JAKMIP1: variants seen among roughly 807,000 people sequenced by gnomAD.
The protein encoded by JAKMIP1 is janus kinase and microtubule-interacting protein 1.
In JAKMIP1, 33 loss-of-function variants were observed where a neutral mutation model predicts 113.0. The ratio of observed to expected loss-of-function variants is 0.29; its 90% confidence interval spans 0.22 to 0.39. The LOEUF (loss-of-function observed/expected upper bound fraction) is 0.39, where lower values mean the gene tolerates loss of function less well. Among genes scored for constraint, JAKMIP1 ranks in the 10% least tolerant of loss-of-function variants. The pLI is 1.00. For synonymous variants in JAKMIP1, 480 were observed against 459.9 expected (o/e 1.04, Z -0.56); for missense variants, 813 against 1,080.5 (o/e 0.75, Z 3.47).
rs542994768 is a variant in JAKMIP1, at chr4:6,162,904, C to T, written c.-148+37349G>A. Among the ~76,000 whole-genome samples, 7 of 152,328 alleles carry T rather than the reference C, an allele frequency of 4.6e-5. No individual in the cohort carries two copies. Among genetic ancestry groups the T allele is most frequent in the South Asian group, 2.1e-4 (1 of 4,822 alleles). On this transcript the variant is annotated intron_variant, in intron 1 of 20. Coordinates refer to ENST00000409021, the MANE Select transcript of JAKMIP1 (RefSeq NM_001099433.2). This position sits in a 1 kb window ranked among gnomAD's most constrained non-coding sequence, Gnocchi z 5.6. ...AAGAAAGCACATCTGTACTAGCCTG[C>T]GAGCAGCAAGGCTTCCAGGCAAAGC...
intron 1 of JAKMIP1, among the ~76,000 whole-genome samples, chr4:6,144,953 G>T (rs1475987258): frequency 6.6e-5 from 10 of 152,178 alleles, no homozygotes; most frequent in Non-Finnish European, 2.9e-5. Flanking sequence ...ATTTCCCAAT[G>T]ACATGATCTT....
In JAKMIP1 at chr4:6,189,712, A is replaced by AGGGCAGTGAGGGCCCTGG. The variant is rs575887514; in HGVS notation, c.-148+10523_-148+10540dup. On this transcript the variant is annotated intron_variant, in intron 1 of 20. Transcript: ENST00000409021. The stretch of plus-strand genomic sequence containing the variant: ...CAGTGGCTAGGGCAGAGGGTGGCGT[A>AGGGCAGTGAGGGCCCTGG]GGGCAGTGAGGGCCCTGGGGTTATG... 5.9e-5 allele frequency among the ~76,000 whole-genome samples: 9 copies of AGGGCAGTGAGGGCCCTGG among 152,274 alleles called. No homozygotes were observed. In the East Asian group the frequency reaches 1.7e-3, roughly 29 times the overall value.
chr4:6,151,519 G>A (rs1156679185), intron 1 of JAKMIP1, among the ~76,000 whole-genome samples: 1 of 151,988 alleles, frequency 6.6e-6, no homozygotes, highest in Non-Finnish European at 1.5e-5. Flanking sequence ...CACCACCCCA[G>A]ACCTGGCCAA....
At position 6,142,924 on chromosome 4, in the gene JAKMIP1, C is replaced by T. The variant is rs1328589209; in HGVS notation, c.-147-29927G>A. ...CCCAGCCTGGAGTCCTGAGGCCCCTCAGTCCAGCACTGTGTGTGTGTGTGT... is the reference window on the plus strand; with the variant it reads ...CCCAGCCTGGAGTCCTGAGGCCCCTTAGTCCAGCACTGTGTGTGTGTGTGT... On this transcript the variant is annotated intron_variant, in intron 1 of 20. Coordinates refer to ENST00000409021, the MANE Select transcript of JAKMIP1 (RefSeq NM_001099433.2). The surrounding 1 kb of genome is among the most constrained non-coding windows in gnomAD (Gnocchi z 5.5). 6.6e-6 allele frequency among the ~76,000 whole-genome samples: 1 copy of T among 152,202 alleles called. No homozygotes were observed. The highest frequency in any genetic ancestry group is 2.4e-5 in the African/African-American group (1 of 41,442).
intron 3 of JAKMIP1, among the ~76,000 whole-genome samples, chr4:6,101,576 C>T (rs188720186): frequency 6.4e-4 from 97 of 151,822 alleles, no homozygotes; most frequent in African/African-American, 2.1e-3. Flanking sequence ...ATCTGCTTGC[C>T]GATGTCTGCA....
rs762102039 is a variant in JAKMIP1 at position 6,176,345 on chromosome 4, G to A, written c.-148+23908C>T. Among the ~76,000 whole-genome samples the A allele has an allele frequency of 8.5e-5, 13 of 152,198 alleles. No homozygotes were observed. The highest frequency in any genetic ancestry group is 2.9e-4 in the African/African-American group (12 of 41,436). ...TTAGGCTGTGTCCTGGTCTGGTGGG[G>A]TATGAAGATCCCTGAGGTGAACCAT... On this transcript the variant is annotated intron_variant, in intron 1 of 20. Coordinates refer to ENST00000409021, the MANE Select transcript of JAKMIP1 (RefSeq NM_001099433.2). The surrounding 1 kb of genome is among the most constrained non-coding windows in gnomAD (Gnocchi z 5.5).
At chr4:6,105,989 A>G in intron 2 of JAKMIP1, 22 bp from the exon 3 acceptor site, 1 of 1,526,220 alleles carries the variant, frequency 6.6e-7, no homozygotes, top group Non-Finnish European at 8.9e-7. Context: ...GCGGCGAGAG[A>G]GCCGGTCAGG....
chr4:6,159,293 A>AAT (rs1226618238), intron 1 of JAKMIP1, among the ~76,000 whole-genome samples: 4 of 151,870 alleles, frequency 2.6e-5, no homozygotes, highest in Non-Finnish European at 5.9e-5. Flanking sequence ...ATCTGCTAAA[A>AAT]AAAAAATACT....
intron 3 of JAKMIP1, among the ~76,000 whole-genome samples, chr4:6,104,094 T>G (rs1487439647): frequency 6.6e-6 from 1 of 152,218 alleles, no homozygotes. Context: ...TAAAATATGT[T>G]TTGCTCTAAG....
intron 16 of JAKMIP1, among the ~76,000 whole-genome samples, chr4:6,045,644 G>A (rs986841249): frequency 1.3e-5 from 2 of 152,200 alleles, no homozygotes; most frequent in Admixed American, 6.5e-5. Context: ...AGGCCAAGGC[G>A]GGTAGATCAC....
At position 6,197,013 on chromosome 4, in the gene JAKMIP1, AG is replaced by A. The variant is rs957163064; in HGVS notation, c.-148+3239del. ...AGGGAGCCCCACTTCTGAGTCCCCC[AG>A]TGTCCTGAGACTTGGCTCCCTCTGC... On this transcript the variant is annotated intron_variant, in intron 1 of 20. Transcript: ENST00000409021. This position sits in a 1 kb window ranked among gnomAD's most constrained non-coding sequence, Gnocchi z 6.5. Among the ~76,000 whole-genome samples, 9 of 152,194 alleles carry A rather than the reference AG, an allele frequency of 5.9e-5. No homozygotes were observed. Among genetic ancestry groups the A allele is most frequent in the African/African-American group, 2.2e-4 (9 of 41,450 alleles).
rs1429871839 is a variant in JAKMIP1, at chr4:6,186,750, A to G, written c.-148+13503T>C. Among the ~76,000 whole-genome samples the G allele has an allele frequency of 6.6e-6, 1 of 152,104 alleles. No individual in the cohort carries two copies. The highest frequency in any genetic ancestry group is 1.5e-5 in the Non-Finnish European group (1 of 68,034). On this transcript the variant is annotated intron_variant, in intron 1 of 20. Transcript: ENST00000409021. This position sits in a 1 kb window ranked among gnomAD's most constrained non-coding sequence, Gnocchi z 5.5. ...TGTTGACCTCCTGTAGAGTTGTTCTATCTGTTATTGAAAGTGGGTGTTGAC... is the reference window on the plus strand; with the variant it reads ...TGTTGACCTCCTGTAGAGTTGTTCTGTCTGTTATTGAAAGTGGGTGTTGAC...
At position 6,081,241 on chromosome 4, in the gene JAKMIP1, T is replaced by C. The variant is rs1273704010; in HGVS notation, c.1101+368A>G. ...GATCATTGTAACAGCTTTCACTTGC[T>C]GGGTGTCCTCTGGGCCCGTTCCCTG... On this transcript the variant is annotated intron_variant, in intron 6 of 20. Coordinates refer to ENST00000409021, the MANE Select transcript of JAKMIP1 (RefSeq NM_001099433.2). This position sits in a 1 kb window ranked among gnomAD's most constrained non-coding sequence, Gnocchi z 4.6. 6.6e-6 allele frequency among the ~76,000 whole-genome samples: 1 copy of C among 152,246 alleles called. No individual in the cohort carries two copies. The highest frequency in any genetic ancestry group is 1.5e-5 in the Non-Finnish European group (1 of 68,040).
rs1727962555 is a variant in JAKMIP1 at position 6,197,344 on chromosome 4, G to A, written c.-148+2909C>T. On this transcript the variant is annotated intron_variant, in intron 1 of 20. Coordinates refer to ENST00000409021, the MANE Select transcript of JAKMIP1 (RefSeq NM_001099433.2). The surrounding 1 kb of genome is among the most constrained non-coding windows in gnomAD (Gnocchi z 6.5). Reference sequence around the variant, plus strand: ...TTAGCTAAAGAAGGACCCCAAATGTGGGCGTGGGAGTTTGCTCTGTGACAA... The same window carrying A: ...TTAGCTAAAGAAGGACCCCAAATGTAGGCGTGGGAGTTTGCTCTGTGACAA... Among the ~76,000 whole-genome samples the A allele has an allele frequency of 6.6e-6, 1 of 152,154 alleles. No individual in the cohort carries two copies. Among genetic ancestry groups the A allele is most frequent in the Admixed American group, 6.5e-5 (1 of 15,276 alleles).
Position 6,140,370 on chromosome 4 carries a change from G to A in JAKMIP1, c.-147-27373C>T, listed in dbSNP as rs1578360875. On this transcript the variant is annotated intron_variant, in intron 1 of 20. Coordinates refer to ENST00000409021, the MANE Select transcript of JAKMIP1 (RefSeq NM_001099433.2). This position sits in a 1 kb window ranked among gnomAD's most constrained non-coding sequence, Gnocchi z 9.4. The stretch of plus-strand genomic sequence containing the variant: ...CCGACCATAAATCCCCCCACGTGGC[G>A]AGGCTGGCTCAGCAGGAGCACTGTC... Among the ~76,000 whole-genome samples, 8 of 151,800 alleles carry A rather than the reference G, an allele frequency of 5.3e-5. No homozygotes were observed. The South Asian group carries it at 1.5e-3, about 28-fold the overall frequency.
At position 6,067,643 on chromosome 4, in the gene JAKMIP1, G is replaced by GCA. The variant is rs58695938; in HGVS notation, c.1303-2637_1303-2636dup. On this transcript the variant is annotated intron_variant, in intron 8 of 20. Coordinates refer to ENST00000409021, the MANE Select transcript of JAKMIP1 (RefSeq NM_001099433.2). The surrounding 1 kb of genome is among the most constrained non-coding windows in gnomAD (Gnocchi z 4.6). ...GCTCCAGGTTCACTCAAGCTCTTCT[G>GCA]CACACACACACACAGGTCACCCCCT... is the stretch of plus-strand genomic sequence containing the variant. Among the ~76,000 whole-genome samples, 115 of 117,334 alleles carry GCA rather than the reference G, an allele frequency of 9.8e-4. No homozygotes were observed. The highest frequency in any genetic ancestry group is 3.5e-3 in the South Asian group (13 of 3,664). 77.0% of individuals were successfully genotyped at this position (117,334 alleles called of 152,430 possible).
chr4:6,181,917 G>A lies in JAKMIP1; in HGVS notation c.-148+18336C>T, dbSNP rs1162844859. Reference sequence around the variant, plus strand: ...ACCCGCCCTGGCCTTGGGAGGATGGGTGATGCCCAAGGAGATGAGCCTGTG... The same window carrying A: ...ACCCGCCCTGGCCTTGGGAGGATGGATGATGCCCAAGGAGATGAGCCTGTG... On this transcript the variant is annotated intron_variant, in intron 1 of 20. Transcript: ENST00000409021. This position sits in a 1 kb window ranked among gnomAD's most constrained non-coding sequence, Gnocchi z 5.4. 6.6e-6 allele frequency among the ~76,000 whole-genome samples: 1 copy of A among 152,106 alleles called. No homozygotes were observed. Among genetic ancestry groups the A allele is most frequent in the Non-Finnish European group, 1.5e-5 (1 of 68,026 alleles).
intron 1 of JAKMIP1, among the ~76,000 whole-genome samples, chr4:6,191,922 T>TTTATTTATTTATTTA (rs1727307742): frequency 6.7e-6 from 1 of 149,312 alleles, no homozygotes; most frequent in East Asian, 2.0e-4. Flanking sequence ...ATTTTATTTA[T>TTTATTTATTTATTTA]TTATTTATTT....
rs577533607 is a variant in JAKMIP1, at chr4:6,153,870, T to A, written c.-147-40873A>T. On this transcript the variant is annotated intron_variant, in intron 1 of 20. Transcript: ENST00000409021. This position sits in a 1 kb window ranked among gnomAD's most constrained non-coding sequence, Gnocchi z 4.9. Reference sequence around the variant, plus strand: ...GGCTACTGTCACCTAAAATCTCACATCGCAACACTGGTGAGCACTCTCACT... The same window carrying A: ...GGCTACTGTCACCTAAAATCTCACAACGCAACACTGGTGAGCACTCTCACT... 1.9e-4 allele frequency among the ~76,000 whole-genome samples: 29 copies of A among 152,328 alleles called. No individual in the cohort carries two copies. In the East Asian group the frequency reaches 5.6e-3, roughly 29 times the overall value.
Sources: gnomAD v4.1 joint callset for allele counts (sites outside exome capture counted in the v4.1 genomes callset) on GRCh38, gnomAD v4.1.1 for gene constraint, Gnocchi (gnomAD v3.1) non-coding constraint, MANE v1.5 for transcripts, NCBI Gene and HGNC (gene_info 2026-07-23, HGNC 2026-07-21) for gene names.